ANKS1B: variants seen among roughly 807,000 people sequenced by gnomAD.
The protein encoded by ANKS1B is ankyrin repeat and sterile alpha motif domain containing 1B, also known as ankyrin repeat and sterile alpha motif domain-containing protein 1B.
In ANKS1B, 36 loss-of-function variants were observed where a neutral mutation model predicts 148.3. That is an observed-to-expected ratio of 0.24 (90% CI 0.19 to 0.32). ANKS1B has a LOEUF of 0.32. Among genes scored for constraint, ANKS1B ranks in the 10% least tolerant of loss-of-function variants. The pLI is 1.00. For missense variants in ANKS1B, 1,157 were observed against 1,542.6 expected (o/e 0.75, Z 4.19); for synonymous variants, 542 against 560.8 (o/e 0.97, Z 0.47).
intron 8 of ANKS1B, among the ~76,000 whole-genome samples, chr12:99,747,356 A>T (rs1342316685): frequency 2.0e-5 from 3 of 151,904 alleles, no homozygotes; most frequent in Non-Finnish European, 4.4e-5. Flanking sequence ...CTCTCCTGCA[A>T]CCTATAGCCA....
chr12:98,962,224 T>C (rs1430325229), intron 17 of ANKS1B, among the ~76,000 whole-genome samples: 1 of 148,144 alleles, frequency 6.8e-6, no homozygotes, highest in Admixed American at 6.7e-5. Context: ...AGACTGAAAA[T>C]AAAGGGATGG....
At chr12:99,634,071 G>T (rs2098204178) in intron 9 of ANKS1B, among the ~76,000 whole-genome samples, 1 of 152,126 alleles carries the variant, frequency 6.6e-6, no homozygotes, top group East Asian at 1.9e-4. Flanking sequence ...GTTTTGGAGG[G>T]CCAGAAGCAA....
intron 9 of ANKS1B, among the ~76,000 whole-genome samples, chr12:99,568,758 T>A (rs2097422850): frequency 6.6e-6 from 1 of 152,184 alleles, no homozygotes; most frequent in South Asian, 2.1e-4. Context: ...ACCTAATTTA[T>A]CCTTGCAATT....
intron 17 of ANKS1B, among the ~76,000 whole-genome samples, chr12:98,839,448 C>A (rs1190361405): frequency 6.6e-6 from 1 of 152,006 alleles, no homozygotes. Flanking sequence ...GTCTACACAG[C>A]CTTCCCAGCC....
At chr12:99,221,611 A>C (rs1029767288) in intron 14 of ANKS1B, among the ~76,000 whole-genome samples, 2 of 152,202 alleles carry the variant, frequency 1.3e-5, no homozygotes, top group East Asian at 3.9e-4. Flanking sequence ...TTTTATTCAT[A>C]ATACAAGAAA....
At chr12:98,930,120 G>A (rs1447324942) in intron 17 of ANKS1B, among the ~76,000 whole-genome samples, 1 of 151,930 alleles carries the variant, frequency 6.6e-6, no homozygotes, top group Non-Finnish European at 1.5e-5. Context: ...TTTAAAATGG[G>A]CAAAAGATTT....
intron 10 of ANKS1B, among the ~76,000 whole-genome samples, chr12:99,473,362 A>G (rs1479797445): frequency 6.6e-6 from 1 of 152,016 alleles, no homozygotes; most frequent in African/African-American, 2.4e-5. Context: ...TTATGAATAG[A>G]CATTTTGTTT....
intron 3 of ANKS1B, among the ~76,000 whole-genome samples, chr12:99,808,891 A>AT (rs942752669): frequency 4.6e-5 from 7 of 152,116 alleles, no homozygotes; most frequent in Admixed American, 1.3e-4. Context: ...AGTAACACCA[A>AT]TTAGCACTGT....
chr12:99,298,737 C>T (rs775146739), intron 12 of ANKS1B, among the ~76,000 whole-genome samples: 1 of 152,142 alleles, frequency 6.6e-6, no homozygotes, highest in Non-Finnish European at 1.5e-5. Context: ...TTAATCCTGT[C>T]AATCTGGCCA....
intron 12 of ANKS1B, among the ~76,000 whole-genome samples, chr12:99,324,667 CAGA>C (rs940258340): frequency 6.6e-6 from 1 of 152,086 alleles, no homozygotes; most frequent in African/African-American, 2.4e-5. Context: ...ATTGCAGTCC[CAGA>C]AATCACTTTA....
At chr12:99,175,970 C>G (rs1313794407) in intron 14 of ANKS1B, among the ~76,000 whole-genome samples, 7 of 152,160 alleles carry the variant, frequency 4.6e-5, no homozygotes, top group Non-Finnish European at 1.0e-4. Flanking sequence ...CCTCACCCTC[C>G]CAAGTAGCTG....
At chr12:99,960,648 G>T (rs994587760) in intron 1 of ANKS1B, among the ~76,000 whole-genome samples, 24 of 152,260 alleles carry the variant, frequency 1.6e-4, no homozygotes, top group African/African-American at 5.5e-4. Flanking sequence ...TGCAACTCTA[G>T]ATTAATGTCC....
At chr12:99,900,505 CAAAAAAAAAAA>C (rs71303560) in intron 1 of ANKS1B, among the ~76,000 whole-genome samples, 1 of 70,736 alleles carries the variant, frequency 1.4e-5, no homozygotes, top group African/African-American at 4.0e-5. Flanking sequence ...GACTCCATCT[CAAAAAAAAAAA>C]AAAAAAAAAA....
intron 9 of ANKS1B, among the ~76,000 whole-genome samples, chr12:99,506,698 A>G (rs924087593): frequency 6.6e-6 from 1 of 152,026 alleles, no homozygotes. Context: ...GACAAGACAA[A>G]GACTAATGTT....
At chr12:98,800,677 TA>T (rs79695140) in intron 21 of ANKS1B, among the ~76,000 whole-genome samples, 8 of 65,192 alleles carry the variant, frequency 1.2e-4, no homozygotes, top group Non-Finnish European at 1.6e-4. Flanking sequence ...TGAGCAGAGA[TA>T]TATATATATA....
chr12:99,095,835 C>T (rs2055880515), intron 15 of ANKS1B, among the ~76,000 whole-genome samples: 1 of 152,092 alleles, frequency 6.6e-6, no homozygotes. Context: ...TATAGCATTG[C>T]CTCTTCTCAT....
At chr12:99,817,829 C>T (rs867334207) in intron 2 of ANKS1B, among the ~76,000 whole-genome samples, 1 of 151,666 alleles carries the variant, frequency 6.6e-6, no homozygotes, top group African/African-American at 2.4e-5. Flanking sequence ...TGTCTATAAT[C>T]GTTTGCCCAT....
chr12:99,203,447 T>A (rs2082294931), intron 14 of ANKS1B, among the ~76,000 whole-genome samples: 1 of 151,818 alleles, frequency 6.6e-6, no homozygotes, highest in African/African-American at 2.4e-5. Flanking sequence ...TAAGACCTGC[T>A]TCTTTCTTTT....
intron 14 of ANKS1B, among the ~76,000 whole-genome samples, chr12:99,206,611 A>G (rs959456808): frequency 6.6e-6 from 1 of 152,208 alleles, no homozygotes; most frequent in African/African-American, 2.4e-5. Flanking sequence ...GAAGGTAAAA[A>G]GAAAGCTAAA....
Sources: gnomAD v4.1 joint callset for allele counts (sites outside exome capture counted in the v4.1 genomes callset) on GRCh38, gnomAD v4.1.1 for gene constraint, MANE v1.5 for transcripts, NCBI Gene and HGNC (gene_info 2026-07-23, HGNC 2026-07-21) for gene names.